Variants in CKS2 observed in about 807,000 individuals in gnomAD.
The protein encoded by CKS2 is cyclin-dependent kinases regulatory subunit 2.
In CKS2, 4 loss-of-function variants were observed where a neutral mutation model predicts 14.3. That is an observed-to-expected ratio of 0.28 (90% CI 0.14 to 0.64). The LOEUF is 0.64. Ranked by LOEUF, CKS2 falls within the 30% of genes least tolerant of loss-of-function variation. The probability of loss-of-function intolerance (pLI) is 0.83; values close to 1 mark genes in which losing one functional copy is unlikely to be tolerated. For missense variants in CKS2, 71 were observed against 94.3 expected, an observed-to-expected ratio of 0.75 and a Z score of 1.02; for synonymous variants, 33 against 28.7, an observed-to-expected ratio of 1.15 and a Z score of -0.48.
chr9:89,311,217 C>T lies in CKS2; in HGVS notation c.-76C>T, dbSNP rs761954896. 156 of 1,255,132 alleles carry T rather than the reference C, an allele frequency of 1.2e-4. 1 individual carries two copies. The highest frequency in any genetic ancestry group is 1.7e-4 in the Non-Finnish European group (148 of 868,888). The allele number at this position is 1,255,132 out of a possible 1,614,324, so 77.7% of individuals were successfully genotyped here. A position where few individuals can be genotyped will look rare whatever the true frequency, so the allele number is the denominator to read the frequency against. ...GTCGTTAGTCTCCGGCGAGTTGTTG[C>T]CTGGGCTGGACGTGGTTTTGTCTGC... On this transcript the variant is annotated 5_prime_UTR_variant, in exon 1 of 3. Transcript: ENST00000314355.
chr9:89,311,528 C>T lies in CKS2; in HGVS notation c.59+177C>T, dbSNP rs563322742. ...CCACCTGGCGCCCCGCGCAGTCGGACATGGTTGGGTGCCTGGCCGCGCCGG... is the reference window on the plus strand; with the variant it reads ...CCACCTGGCGCCCCGCGCAGTCGGATATGGTTGGGTGCCTGGCCGCGCCGG... On this transcript the variant is annotated intron_variant, in intron 1 of 2. Coordinates refer to ENST00000314355, the MANE Select transcript of CKS2 (RefSeq NM_001827.3). Among the ~76,000 whole-genome samples the T allele has an allele frequency of 5.9e-5, 9 of 152,300 alleles. No individual in the cohort carries two copies. In the South Asian group the frequency reaches 1.2e-3, roughly 21 times the overall value.
chr9:89,311,316 C>G lies in CKS2; in HGVS notation c.24C>G (p.Tyr8Ter). MAHKQIY[Y>*]SDKYFDEHYE... ...GGATGGCCCACAAGCAGATCTACTA[C>G]TCGGACAAGTACTTCGACGAACACT... Residue 8 changes from tyrosine to a stop codon, truncating the protein, a stop_gained, in exon 1 of 3, where the codon TAC (tyrosine) becomes TAG (stop). Coordinates refer to ENST00000314355, the MANE Select transcript of CKS2 (RefSeq NM_001827.3). LOFTEE classifies it high-confidence loss of function. 2 of 1,611,202 alleles carry G rather than the reference C, an allele frequency of 1.2e-6. No homozygotes were observed. Among genetic ancestry groups the G allele is most frequent in the Non-Finnish European group, 1.7e-6 (2 of 1,178,928 alleles).
At chr9:89,314,570 A>C (rs1170929585) in intron 1 of CKS2, among the ~76,000 whole-genome samples, 2 of 152,232 alleles carry the variant, frequency 1.3e-5, no homozygotes, top group African/African-American at 2.4e-5. Context: ...CTACAAAGCT[A>C]GTGTTGAGTA....
chr9:89,313,645 C>CA (rs940980531), intron 1 of CKS2, among the ~76,000 whole-genome samples: 1 of 152,182 alleles, frequency 6.6e-6, no homozygotes, highest in Non-Finnish European at 1.5e-5. Context: ...GTGGTAACTT[C>CA]TATCTAAATA....
rs3211664 is a variant in CKS2 at position 89,311,205 on chromosome 9, G to A, written c.-88G>A. ...GTTGGGACTGCGGTCGTTAGTCTCC[G>A]GCGAGTTGTTGCCTGGGCTGGACGT... On this transcript the variant is annotated 5_prime_UTR_variant, in exon 1 of 3. Transcript: ENST00000314355. 2.7e-5 allele frequency: 29 copies of A among 1,079,702 alleles called. No individual in the cohort carries two copies. In the African/African-American group the frequency reaches 4.0e-4, roughly 15 times the overall value. The allele number at this position is 1,079,702 out of a possible 1,614,324, so 66.9% of individuals were successfully genotyped here.
At chr9:89,312,586 C>T (rs1824640101) in intron 1 of CKS2, among the ~76,000 whole-genome samples, 1 of 152,176 alleles carries the variant, frequency 6.6e-6, no homozygotes, top group Non-Finnish European at 1.5e-5. Flanking sequence ...AGTCTGTTTT[C>T]ACATGAGGAC....
At chr9:89,315,383 T>C in intron 2 of CKS2, 86 bp downstream of exon 2, 2 of 1,158,484 alleles carry the variant, frequency 1.7e-6, no homozygotes, top group Non-Finnish European at 1.2e-6. Context: ...ATCATTGACA[T>C]CAAATGATAT....
intron 1 of CKS2, among the ~76,000 whole-genome samples, chr9:89,313,892 G>C (rs1824662515): frequency 6.6e-6 from 1 of 152,242 alleles, no homozygotes; most frequent in African/African-American, 2.4e-5. Flanking sequence ...AGTAAGCTAT[G>C]ACTTGGTGGC....
intron 2 of CKS2, 145 bp from the exon 3 acceptor site, chr9:89,316,228 T>TG (rs1824709680): frequency 6.5e-6 from 4 of 614,118 alleles, no homozygotes; most frequent in African/African-American, 5.6e-5. Context: ...ACAGTAACTG[T>TG]GAAAAAAAAA....
At chr9:89,312,199 G>A (rs1391668243) in intron 1 of CKS2, 2 of 154,690 alleles carry the variant, frequency 1.3e-5, no homozygotes, top group Non-Finnish European at 2.9e-5. Context: ...CTAGAACATG[G>A]TGGCTGTAAT....
rs11548887 is a variant in CKS2, at chr9:89,311,265, G to C, written c.-28G>C. The C allele has an allele frequency of 2.2e-3, 3,493 of 1,605,376 alleles. 3 individuals carry two copies. The highest frequency in any genetic ancestry group is 2.7e-3 in the Non-Finnish European group (3,157 of 1,175,098). On this transcript the variant is annotated 5_prime_UTR_variant, in exon 1 of 3. Transcript: ENST00000314355. ...TGCTGCGCCCGCTCTTCGCGCTCTC[G>C]TTTCATTTTCTGCAGCGCGCCAGCA... is the stretch of plus-strand genomic sequence containing the variant.
At chr9:89,314,904 A>AT (rs905607505) in intron 1 of CKS2, among the ~76,000 whole-genome samples, 12 of 152,174 alleles carry the variant, frequency 7.9e-5, no homozygotes, top group Non-Finnish European at 1.5e-4. Flanking sequence ...TTCAACTTAT[A>AT]TTTTGGGGTT....
chr9:89,311,817 T>C (rs1415539534), intron 1 of CKS2, among the ~76,000 whole-genome samples: 1 of 152,258 alleles, frequency 6.6e-6, no homozygotes, highest in African/African-American at 2.4e-5. Context: ...TGACACACTT[T>C]CCCTGTCGCT....
At chr9:89,313,547 C>T (rs760729203) in intron 1 of CKS2, among the ~76,000 whole-genome samples, 23 of 152,138 alleles carry the variant, frequency 1.5e-4, no homozygotes, top group Non-Finnish European at 2.5e-4. Flanking sequence ...AGGTAGAATC[C>T]TCATATGGGG....
intron 1 of CKS2, among the ~76,000 whole-genome samples, chr9:89,313,951 C>G (rs1824663952): frequency 6.6e-6 from 1 of 152,150 alleles, no homozygotes; most frequent in South Asian, 2.1e-4. Flanking sequence ...GCTCACTTTG[C>G]CCTGCAAATA....
chr9:89,315,199 A>C lies in CKS2; in HGVS notation c.89A>C (p.Lys30Thr). The stretch of plus-strand genomic sequence containing the variant: ...GTTATGTTACCCAGAGAACTTTCCA[A>C]ACAAGTACCTAAAACTCATCTGATG... ...RHVMLPRELS[K>T]QVPKTHLMSE... is the part of the protein sequence containing the mutation. The change falls in exon 2 of 3, where the codon AAA becomes ACA. Residue 30 changes from lysine (K) to threonine (T), a missense_variant. Lys to Thr is a moderately conservative substitution (Grantham distance 78). Coordinates refer to ENST00000314355, the MANE Select transcript of CKS2 (RefSeq NM_001827.3). 4 of 1,610,806 alleles carry C rather than the reference A, an allele frequency of 2.5e-6. No individual in the cohort carries two copies. Among genetic ancestry groups the C allele is most frequent in the Non-Finnish European group, 3.4e-6 (4 of 1,178,674 alleles).
In CKS2 at chr9:89,315,191, A is replaced by C. The variant is rs1386545597; in HGVS notation, c.81A>C (p.Glu27Asp). The C allele has an allele frequency of 1.2e-6, 2 of 1,610,128 alleles. No homozygotes were observed. Among genetic ancestry groups the C allele is most frequent in the Non-Finnish European group, 1.7e-6 (2 of 1,178,480 alleles). ...ACAGGCATGTTATGTTACCCAGAGA[A>C]CTTTCCAAACAAGTACCTAAAACTC... ...YEYRHVMLPR[E>D]LSKQVPKTHL... The change falls in exon 2 of 3, where the codon GAA becomes GAC. Residue 27 changes from glutamate (E) to aspartate (D), a missense_variant. By Grantham distance (45) the Glu-to-Asp change is conservative (BLOSUM62 2). Transcript: ENST00000314355.
Position 89,315,162 on chromosome 9 carries a change from T to C in CKS2, c.60-8T>C, listed in dbSNP as rs1191949430. 6.2e-7 allele frequency: 1 copy of C among 1,603,730 alleles called. No homozygotes were observed. Among genetic ancestry groups the C allele is most frequent in the African/African-American group, 1.3e-5 (1 of 74,278 alleles). On this transcript the variant is annotated splice_polypyrimidine_tract_variant and splice_region_variant and intron_variant, in intron 1 of 2. Transcript: ENST00000314355. ...ACTGGACTAACACTTGGCTGTATCT[T>C]GTAACAGGCATGTTATGTTACCCAG...
At chr9:89,315,449 G>T in intron 2 of CKS2, 152 bp downstream of exon 2, 1 of 477,820 alleles carries the variant, frequency 2.1e-6, no homozygotes, top group East Asian at 4.0e-5. Context: ...TCTTGACTCT[G>T]GAGAGAGTTC....
Sources: allele counts gnomAD v4.1 joint callset (sites outside exome capture counted in the v4.1 genomes callset), GRCh38; gene constraint gnomAD v4.1.1; transcripts MANE v1.5; gene names NCBI Gene and HGNC (gene_info 2026-07-23, HGNC 2026-07-21).